FBN2: variants seen among roughly 807,000 people sequenced by gnomAD.
FBN2 encodes fibrillin-2.
A neutral mutation model predicts 355.6 loss-of-function variants in FBN2; 105 were observed. That is an observed-to-expected ratio of 0.30 (90% CI 0.25 to 0.35). The LOEUF (loss-of-function observed/expected upper bound fraction) is 0.35. Ranked by LOEUF, FBN2 falls within the 10% of genes least tolerant of loss-of-function variation. The probability of loss-of-function intolerance (pLI) is 1.00; values close to 1 mark genes in which losing one functional copy is unlikely to be tolerated. For missense variants in FBN2, 3,280 were observed against 3,758.7 expected (o/e 0.87, Z 3.33); for synonymous variants, 1,350 against 1,301.2 (o/e 1.04, Z -0.81).
intron 7 of FBN2, among the ~76,000 whole-genome samples, chr5:128,433,776 G>C (rs1753692022): frequency 6.6e-6 from 1 of 152,094 alleles, no homozygotes. Context: ...TCCTATGTTA[G>C]CTGCTGCTAG....
At chr5:128,338,691 T>C (rs1327808640) in intron 26 of FBN2, among the ~76,000 whole-genome samples, 1 of 152,206 alleles carries the variant, frequency 6.6e-6, no homozygotes, top group African/African-American at 2.4e-5. Flanking sequence ...GATTTTAGAT[T>C]CTATGAATAA....
chr5:128,443,119 C>G (rs1438006675), intron 7 of FBN2, among the ~76,000 whole-genome samples: 1 of 152,112 alleles, frequency 6.6e-6, no homozygotes, highest in East Asian at 1.9e-4. Context: ...AGCAAAGGTC[C>G]TTGACATCAG....
At chr5:128,356,143 C>G (rs948202765) in intron 20 of FBN2, among the ~76,000 whole-genome samples, 3 of 152,274 alleles carry the variant, frequency 2.0e-5, no homozygotes, top group East Asian at 1.9e-4. Context: ...ACCGCCCCCC[C>G]AACCCAGCCC....
At chr5:128,455,983 T>C (rs1415120913) in intron 6 of FBN2, among the ~76,000 whole-genome samples, 37 of 36,048 alleles carry the variant, frequency 1.0e-3, no homozygotes, top group African/African-American at 8.1e-3. Flanking sequence ...TGGGGGAGGG[T>C]TAGCAACAAA....
chr5:128,311,687 C>T (rs1038982466), intron 38 of FBN2, among the ~76,000 whole-genome samples, 198 bp downstream of exon 38: 1 of 152,074 alleles, frequency 6.6e-6, no homozygotes, highest in African/African-American at 2.4e-5. Flanking sequence ...CTCTGCAGAA[C>T]AGTCAGACGT....
In FBN2 at chr5:128,527,861, A is replaced by G. The variant is rs977228247; in HGVS notation, c.532+11T>C. 2 of 1,532,612 alleles carry G rather than the reference A, an allele frequency of 1.3e-6. No homozygotes were observed. The highest frequency in any genetic ancestry group is 1.8e-6 in the Non-Finnish European group (2 of 1,106,506). 94.9% of individuals were successfully genotyped at this position (1,532,612 alleles called of 1,614,324 possible). A position where few individuals can be genotyped will look rare whatever the true frequency, so the allele number is the denominator to read the frequency against. ...AAATCAAATGATTTCTAATAAATCA[A>G]TGTCCCTTACGTTGTCCACAATAAG... On this transcript the variant is annotated intron_variant, in intron 4 of 64. Transcript: ENST00000262464.
At position 128,261,768 on chromosome 5, in the gene FBN2, T is replaced by G. The variant is rs371715068; in HGVS notation, c.8332A>C (p.Lys2778Gln). ...NGYSKKDSRQ[K>Q]RSIHEPDPTA... is the part of the protein sequence containing the mutation. ...GGATCAGGTTCATGAATACTTCTCT[T>G]CTGCCTGCTGTCTTTCTTAGAATAG... Residue 2778 changes from lysine to glutamine, a missense_variant, in exon 64 of 65, where the codon AAG (lysine) becomes CAG (glutamine). By Grantham distance (53) the Lys-to-Gln change is moderately conservative. Around this residue, in one of 6 missense-constraint regions of FBN2, gnomAD observed 311 missense variants for 319.1 expected, o/e 0.97. Transcript: ENST00000262464. 1,117 of 1,614,248 alleles carry G rather than the reference T, an allele frequency of 6.9e-4. 17 individuals carry two copies. The South Asian group carries it at 0.011, about 15-fold the overall frequency.
intron 5 of FBN2, among the ~76,000 whole-genome samples, chr5:128,514,905 A>G (rs1247548901): frequency 6.6e-6 from 1 of 152,194 alleles, no homozygotes; most frequent in African/African-American, 2.4e-5. Flanking sequence ...ACATTTCTTG[A>G]AAGTATCAAA....
At chr5:128,435,535 A>T (rs1422132800) in intron 7 of FBN2, among the ~76,000 whole-genome samples, 2 of 152,314 alleles carry the variant, frequency 1.3e-5, no homozygotes, top group South Asian at 2.1e-4. Context: ...TAAGCAGAAA[A>T]GACCATTATT....
chr5:128,334,356 C>T (rs758251798), intron 31 of FBN2, among the ~76,000 whole-genome samples: 3 of 152,118 alleles, frequency 2.0e-5, no homozygotes, highest in Non-Finnish European at 4.4e-5. Flanking sequence ...CCGGGATCCT[C>T]GGGTCTTTTG....
At chr5:128,350,635 G>A (rs535468021) in intron 21 of FBN2, among the ~76,000 whole-genome samples, 1 of 152,248 alleles carries the variant, frequency 6.6e-6, no homozygotes. Context: ...CTAGCAGATA[G>A]ATTCTAGCTG....
chr5:128,310,384 ATATATATATATATATATATTT>A lies in FBN2; in HGVS notation c.5075-297_5075-277del, dbSNP rs201573285. Among the ~76,000 whole-genome samples the A allele has an allele frequency of 0.015, 204 of 13,416 alleles. 3 individuals carry two copies. In the East Asian group the frequency reaches 0.2, roughly 13 times the overall value. The allele number at this position is 13,416 out of a possible 152,430, so 8.8% of individuals were successfully genotyped here. ...TTGGCACATATATATATATATATAT[ATATATATATATATATATATTT>A]TTTTTTTTTTTTTTTTATTGCAATT... On this transcript the variant is annotated intron_variant, in intron 39 of 64. Transcript: ENST00000262464.
intron 5 of FBN2, among the ~76,000 whole-genome samples, chr5:128,517,786 C>A (rs192721821): frequency 6.6e-6 from 1 of 152,114 alleles, no homozygotes; most frequent in African/African-American, 2.4e-5. Context: ...TGTATATAAA[C>A]CTTGACCCCT....
intron 46 of FBN2, among the ~76,000 whole-genome samples, chr5:128,302,602 A>G (rs1433019365): frequency 1.3e-5 from 2 of 152,210 alleles, no homozygotes; most frequent in East Asian, 3.9e-4. Context: ...AATAATCCAG[A>G]ATGGATTTAA....
intron 4 of FBN2, among the ~76,000 whole-genome samples, chr5:128,522,196 T>A (rs1756450101): frequency 6.6e-6 from 1 of 152,190 alleles, no homozygotes; most frequent in African/African-American, 2.4e-5. Flanking sequence ...CTGTCTCTCA[T>A]GTGAGAGTGG....
rs73341377 is a variant in FBN2, at chr5:128,263,345, C to A, written c.8192+80G>T. On this transcript the variant is annotated intron_variant, in intron 63 of 64. Transcript: ENST00000262464. Reference sequence around the variant, plus strand: ...CGGTTTGGCTTTTAGACACTGTACTCTTCCCTGCAGTGGGGGGTGGCCTGA... The same window carrying A: ...CGGTTTGGCTTTTAGACACTGTACTATTCCCTGCAGTGGGGGGTGGCCTGA... 13,230 of 1,082,696 alleles carry A rather than the reference C, an allele frequency of 0.012. 955 individuals carry two copies. The African/African-American group carries it at 0.16, about 13-fold the overall frequency. 67.1% of individuals were successfully genotyped at this position (1,082,696 alleles called of 1,614,324 possible).
rs964472172 is a variant in FBN2 at position 128,327,296 on chromosome 5, G to A, written c.4471+1400C>T. ...CCTTTTTCTGAGTCTCTCCAAATTG[G>A]TTGCTATTTCTGGAGAATTTCATGA... On this transcript the variant is annotated intron_variant, in intron 34 of 64. Transcript: ENST00000262464. Among the ~76,000 whole-genome samples, 6 of 152,180 alleles carry A rather than the reference G, an allele frequency of 3.9e-5. No individual in the cohort carries two copies. In the South Asian group the frequency reaches 1.0e-3, roughly 26 times the overall value.
intron 4 of FBN2, among the ~76,000 whole-genome samples, chr5:128,523,172 A>G (rs537525504): frequency 4.6e-5 from 7 of 152,336 alleles, no homozygotes; most frequent in African/African-American, 1.7e-4. Context: ...GTCTGAAATC[A>G]TGATTGTAAT....
At chr5:128,312,011 T>C (rs1750071224) in intron 37 of FBN2, 58 bp from the exon 38 acceptor site, 2 of 1,202,102 alleles carry the variant, frequency 1.7e-6, no homozygotes, top group East Asian at 2.4e-5. Flanking sequence ...GCTGAGACAA[T>C]GAGCAAGCAT....
Sources: gnomAD v4.1 joint callset for allele counts (sites outside exome capture counted in the v4.1 genomes callset) on GRCh38, gnomAD v4.1.1 for gene constraint, gnomAD v4.1.1 regional missense constraint, MANE v1.5 for transcripts, NCBI Gene and HGNC (gene_info 2026-07-23, HGNC 2026-07-21) for gene names.